Variants in ITGAL observed in about 807,000 individuals in gnomAD.
ITGAL encodes integrin alpha-L.
A neutral mutation model predicts 138.4 loss-of-function variants in ITGAL; 68 were observed. That is an observed-to-expected ratio of 0.49 (90% CI 0.40 to 0.60). The LOEUF is 0.60. ITGAL is among the 20% of genes least tolerant of loss of function. ITGAL has a pLI of 0.00. For synonymous variants in ITGAL, 561 were observed against 584.3 expected, an observed-to-expected ratio of 0.96 and a Z score of 0.57; for missense variants, 1,256 against 1,478.6, an observed-to-expected ratio of 0.85 and a Z score of 2.47.
chr16:30,504,937 C>T (rs2050962694), intron 18 of ITGAL: 1 of 192,182 alleles, frequency 5.2e-6, no homozygotes, highest in African/African-American at 2.3e-5. Context: ...ATAAGAATCG[C>T]TTGAACCCAG....
At chr16:30,479,884 T>G (rs1000229394) in intron 6 of ITGAL, among the ~76,000 whole-genome samples, 4 of 151,934 alleles carry the variant, frequency 2.6e-5, no homozygotes, top group African/African-American at 9.7e-5. Context: ...CTCCTGACCT[T>G]GTGATCTGCC....
intron 9 of ITGAL, 121 bp downstream of exon 9, chr16:30,484,384 G>A: frequency 1.1e-6 from 1 of 889,802 alleles, no homozygotes; most frequent in Non-Finnish European, 1.7e-6. Context: ...CGAGGCAGGT[G>A]GATCAATTGA....
intron 15 of ITGAL, among the ~76,000 whole-genome samples, chr16:30,497,946 C>T (rs2050827018): frequency 6.7e-6 from 1 of 148,514 alleles, no homozygotes. Flanking sequence ...GATCCTACCA[C>T]AAAAAAATAA....
At position 30,494,751 on chromosome 16, in the gene ITGAL, C is replaced by T. The variant is rs373129629; in HGVS notation, c.1404C>T (p.Asp468=). The T allele has an allele frequency of 4.1e-5, 66 of 1,613,040 alleles. No homozygotes were observed. In the African/African-American group the frequency reaches 4.8e-4, roughly 12 times the overall value. The part of the protein sequence containing the change: ...SYFGGELCGV[D]VDQDGETELL... ...TCGGTGGGGAGCTGTGTGGCGTCGA[C>T]GTGGACCAAGATGGGGAGACAGAGC... Residue 468 remains aspartate (D), a synonymous_variant, in exon 13 of 31, where the codon GAC becomes GAT. Coordinates refer to ENST00000356798, the MANE Select transcript of ITGAL (RefSeq NM_002209.3). The surrounding 1 kb of genome is among the most constrained non-coding windows in gnomAD (Gnocchi z 4.2).
In ITGAL at chr16:30,510,357, C is replaced by A. The variant is rs374938663; in HGVS notation, c.2509-4C>A. The A allele has an allele frequency of 3.3e-5, 53 of 1,583,306 alleles. No homozygotes were observed. The highest frequency in any genetic ancestry group is 4.6e-5 in the Non-Finnish European group (53 of 1,152,126). ...ACAAACTTGTTTCCTCCTTTCACTCCCAGCCCCATAGCCAGATACCTGTGA... is the reference window on the plus strand; with the variant it reads ...ACAAACTTGTTTCCTCCTTTCACTCACAGCCCCATAGCCAGATACCTGTGA... On this transcript the variant is annotated splice_region_variant and splice_polypyrimidine_tract_variant and intron_variant, in intron 21 of 30. Coordinates refer to ENST00000356798, the MANE Select transcript of ITGAL (RefSeq NM_002209.3).
rs567663787 is a variant in ITGAL, at chr16:30,501,904, G to A, written c.2146-2271G>A. Among the ~76,000 whole-genome samples, 11 of 151,628 alleles carry A rather than the reference G, an allele frequency of 7.3e-5. No individual in the cohort carries two copies. In the South Asian group the frequency reaches 2.1e-3, roughly 29 times the overall value. On this transcript the variant is annotated intron_variant, in intron 17 of 30. Coordinates refer to ENST00000356798, the MANE Select transcript of ITGAL (RefSeq NM_002209.3). Reference sequence around the variant, plus strand: ...AAAAATTAGCCAGCCTTGGTGGAGCGCACCTGTAGTCCCAGCTACCTGGGA... The same window carrying A: ...AAAAATTAGCCAGCCTTGGTGGAGCACACCTGTAGTCCCAGCTACCTGGGA...
intron 4 of ITGAL, 80 bp downstream of exon 4, chr16:30,475,660 G>A (rs1395176610): frequency 6.2e-6 from 7 of 1,130,594 alleles, no homozygotes; most frequent in Non-Finnish European, 9.4e-6. Flanking sequence ...AGAAGAATGT[G>A]GATAAAAGTT....
At chr16:30,499,723 A>ATGTGTATATATATATATG (rs1472099995) in intron 17 of ITGAL, among the ~76,000 whole-genome samples, 1 of 83,760 alleles carries the variant, frequency 1.2e-5, no homozygotes, top group African/African-American at 5.3e-5. Flanking sequence ...GTATATATAT[A>ATGTGTATATATATATATG]TATATATATA....
At chr16:30,501,886 A>G (rs1354641736) in intron 17 of ITGAL, among the ~76,000 whole-genome samples, 1 of 152,022 alleles carries the variant, frequency 6.6e-6, no homozygotes, top group African/African-American at 2.4e-5. Flanking sequence ...CCAAAAAATT[A>G]GCCAGCCTTG....
chr16:30,473,700 C>G (rs920017007), intron 1 of ITGAL, among the ~76,000 whole-genome samples: 3 of 152,196 alleles, frequency 2.0e-5, no homozygotes, highest in Admixed American at 6.5e-5. Flanking sequence ...GGGAAGGGAG[C>G]TGGGATCTAC....
At chr16:30,493,989 T>C (rs1477004332) in intron 11 of ITGAL, among the ~76,000 whole-genome samples, 1 of 152,194 alleles carries the variant, frequency 6.6e-6, no homozygotes, top group Non-Finnish European at 1.5e-5. Flanking sequence ...TAGCTGCTTT[T>C]CCCTGGGTGT....
chr16:30,477,427 C>T (rs1025612960), intron 4 of ITGAL: 1 of 151,972 alleles, frequency 6.6e-6, no homozygotes, highest in African/African-American at 2.4e-5. Context: ...GTGGCACACA[C>T]GTGTAGTCCC....
intron 18 of ITGAL, 95 bp downstream of exon 18, chr16:30,504,359 C>T: frequency 2.1e-6 from 2 of 942,020 alleles, no homozygotes; most frequent in Non-Finnish European, 3.4e-6. Context: ...CTCCTATAAT[C>T]CCAGCACTTT....
intron 17 of ITGAL, among the ~76,000 whole-genome samples, chr16:30,499,733 A>ATACGTATATATATATATATATTTT: frequency 1.1e-5 from 1 of 88,388 alleles, no homozygotes; most frequent in African/African-American, 6.0e-5. Flanking sequence ...ATATATATAT[A>ATACGTATATATATATATATATTTT]TTTTTTTTTT....
intron 15 of ITGAL, 50 bp from the exon 16 acceptor site, chr16:30,499,024 G>A (rs772085202): frequency 2.5e-6 from 4 of 1,578,654 alleles, no homozygotes; most frequent in African/African-American, 1.3e-5. Flanking sequence ...TCTGAGGGGG[G>A]ACGTGCAGTT....
intron 9 of ITGAL, among the ~76,000 whole-genome samples, chr16:30,486,763 G>A (rs1436207969): frequency 3.3e-5 from 5 of 152,136 alleles, no homozygotes; most frequent in Non-Finnish European, 5.9e-5. Context: ...TTGGATTTCA[G>A]TGTGAAGATC....
At chr16:30,502,763 AT>A (rs1486068873) in intron 17 of ITGAL, among the ~76,000 whole-genome samples, 2 of 151,854 alleles carry the variant, frequency 1.3e-5, no homozygotes, top group Non-Finnish European at 2.9e-5. Context: ...AAAAAAAAAA[AT>A]TCATATAAGA....
intron 4 of ITGAL, among the ~76,000 whole-genome samples, chr16:30,478,373 G>A (rs2050502509): frequency 6.7e-6 from 1 of 149,274 alleles, no homozygotes; most frequent in Non-Finnish European, 1.5e-5. Context: ...AAAGTGGGGG[G>A]CGGAGGGGAG....
At chr16:30,487,611 C>T (rs2050666609) in intron 9 of ITGAL, among the ~76,000 whole-genome samples, 1 of 151,482 alleles carries the variant, frequency 6.6e-6, no homozygotes. Flanking sequence ...GGGGTTTCAC[C>T]ATATTGGCCA....
Sources: gnomAD v4.1 joint callset for allele counts (sites outside exome capture counted in the v4.1 genomes callset) on GRCh38, gnomAD v4.1.1 for gene constraint, Gnocchi (gnomAD v3.1) non-coding constraint, MANE v1.5 for transcripts, NCBI Gene and HGNC (gene_info 2026-07-23, HGNC 2026-07-21) for gene names.